SPG11: variants seen among roughly 807,000 people sequenced by gnomAD.
The protein encoded by SPG11 is SPG11 vesicle trafficking associated, spatacsin, also known as spatacsin.
SPG11 carries 222 observed loss-of-function variants against 274.0 expected under a neutral mutation model. The ratio of observed to expected loss-of-function variants is 0.81; its 90% CI spans 0.73 to 0.91. The LOEUF is 0.91. SPG11 is among the 40% of genes least tolerant of loss of function. SPG11 has a pLI of 0.00. For missense variants in SPG11, 3,114 were observed against 2,872.7 expected (o/e 1.08, Z -1.92); for synonymous variants, 1,144 against 1,039.7 (o/e 1.10, Z -1.93).
At chr15:44,564,882 T>C (rs1349081922) in intron 38 of SPG11, among the ~76,000 whole-genome samples, 184 bp from the exon 39 acceptor site, 2 of 152,126 alleles carry the variant, frequency 1.3e-5, no homozygotes, top group African/African-American at 2.4e-5. Flanking sequence ...GCATTTTCCC[T>C]CTCATAAATC....
At chr15:44,636,925 C>CA (rs370928375) in intron 7 of SPG11, among the ~76,000 whole-genome samples, 619 of 19,408 alleles carry the variant, frequency 0.032, 134 homozygotes, top group African/African-American at 0.048. Flanking sequence ...GACTCCATCT[C>CA]AAAAAAAAAA....
At chr15:44,587,707 A>AC (rs1205846974) in intron 28 of SPG11, among the ~76,000 whole-genome samples, 2 of 150,668 alleles carry the variant, frequency 1.3e-5, no homozygotes, top group Admixed American at 6.6e-5. Flanking sequence ...AAAAAAAAAA[A>AC]AAAAAAAAAA....
chr15:44,628,957 C>A, intron 9 of SPG11, 113 bp from the exon 10 acceptor site: 1 of 1,094,886 alleles, frequency 9.1e-7, no homozygotes, highest in Non-Finnish European at 1.4e-6. Context: ...TTTTAAATTT[C>A]AAACAATATG....
At chr15:44,568,364 T>C (rs2140918681) in intron 35 of SPG11, among the ~76,000 whole-genome samples, 1 of 152,340 alleles carries the variant, frequency 6.6e-6, no homozygotes, top group East Asian at 1.9e-4. Context: ...GCTCCTCACT[T>C]GATGACTAGA....
chr15:44,663,466 C>T lies in SPG11; in HGVS notation c.182G>A (p.Gly61Asp). 1.3e-6 allele frequency: 2 copies of T among 1,595,576 alleles called. No homozygotes were observed. The highest frequency in any genetic ancestry group is 1.7e-6 in the Non-Finnish European group (2 of 1,171,882). ...PEALGSLTAA[G>D]SLQVLSLTPG... ...CGTCAAAGAAAGCACTTGGAGGCTGCCCGCAGCCGTCAGGCTCCCCAGAGC... is the reference window on the plus strand; with the variant it reads ...CGTCAAAGAAAGCACTTGGAGGCTGTCCGCAGCCGTCAGGCTCCCCAGAGC... The change falls in exon 1 of 40, where the codon GGC becomes GAC. Residue 61 changes from glycine to aspartate, a missense_variant. Gly to Asp is a moderately conservative substitution (Grantham distance 94, BLOSUM62 -1). Coordinates refer to ENST00000261866, the MANE Select transcript of SPG11 (RefSeq NM_025137.4).
At chr15:44,598,405 A>G in intron 22 of SPG11, 32 bp from the exon 23 acceptor site, 1 of 1,587,332 alleles carries the variant, frequency 6.3e-7, no homozygotes, top group Non-Finnish European at 8.7e-7. Flanking sequence ...AAATATGGTG[A>G]AGAGAAAAAG....
chr15:44,599,003 C>T (rs1270407538), intron 21 of SPG11, among the ~76,000 whole-genome samples, 167 bp from the exon 22 acceptor site: 1 of 152,192 alleles, frequency 6.6e-6, no homozygotes, highest in African/African-American at 2.4e-5. Flanking sequence ...TTCCTGGTAG[C>T]TTTTCAGTTG....
At chr15:44,650,313 G>GT (rs1038454793) in intron 6 of SPG11, among the ~76,000 whole-genome samples, 38 of 152,256 alleles carry the variant, frequency 2.5e-4, no homozygotes, top group African/African-American at 8.9e-4. Context: ...GAGCTCAGGA[G>GT]TTTGAGACCA....
chr15:44,588,340 T>C (rs1373881355), intron 28 of SPG11, among the ~76,000 whole-genome samples: 3 of 151,606 alleles, frequency 2.0e-5, no homozygotes, highest in Admixed American at 2.0e-4. Context: ...TCTCTGAAAC[T>C]TTAAAAATGA....
At chr15:44,646,161 C>T (rs2084602826) in intron 7 of SPG11, among the ~76,000 whole-genome samples, 1 of 152,112 alleles carries the variant, frequency 6.6e-6, no homozygotes, top group Non-Finnish European at 1.5e-5. Context: ...AATCATTCTA[C>T]CATAAACATA....
At chr15:44,575,125 T>G in intron 30 of SPG11, 84 bp from the exon 31 acceptor site, 2 of 1,546,130 alleles carry the variant, frequency 1.3e-6, no homozygotes, top group East Asian at 2.3e-5. Context: ...CCTCTCTGCT[T>G]GAAGCTCCCT....
rs764858234 is a variant in SPG11, at chr15:44,660,515, A to G, written c.359T>C (p.Leu120Ser). Residue 120 changes from leucine (L) to serine (S), a missense_variant, in exon 2 of 40, where the codon TTG becomes TCG. Transcript: ENST00000261866. ...NYELLIYEFN[L>S]KDGRCDATIL... is the part of the protein sequence containing the mutation. ...GGTTGCATCACATCTTCCATCTTTCAAATTAAATTCATAGATAAGCAGTTC... is the reference window on the plus strand; with the variant it reads ...GGTTGCATCACATCTTCCATCTTTCGAATTAAATTCATAGATAAGCAGTTC... 12 of 1,614,182 alleles carry G rather than the reference A, an allele frequency of 7.4e-6. No individual in the cohort carries two copies. The highest frequency in any genetic ancestry group is 1.0e-5 in the Non-Finnish European group (12 of 1,180,018).
intron 27 of SPG11, among the ~76,000 whole-genome samples, chr15:44,591,097 T>C (rs1046180748): frequency 6.6e-6 from 1 of 152,242 alleles, no homozygotes; most frequent in African/African-American, 2.4e-5. Flanking sequence ...TCCCTGTCCA[T>C]TTCTCATCCT....
intron 37 of SPG11, 42 bp downstream of exon 37, chr15:44,566,175 C>G (rs748948144): frequency 8.1e-6 from 13 of 1,608,572 alleles, no homozygotes; most frequent in Admixed American, 1.7e-5. Flanking sequence ...TTACTGCAGA[C>G]AGCAAGTCCC....
chr15:44,647,543 C>T (rs1364599406), intron 7 of SPG11, among the ~76,000 whole-genome samples: 1 of 152,022 alleles, frequency 6.6e-6, no homozygotes, highest in African/African-American at 2.4e-5. Context: ...AATGGATAAA[C>T]AAAATGCAGT....
At chr15:44,608,236 T>C (rs2083371772) in intron 19 of SPG11, among the ~76,000 whole-genome samples, 1 of 152,232 alleles carries the variant, frequency 6.6e-6, no homozygotes. Flanking sequence ...CTTTTTTGCA[T>C]TGTTCTTGCA....
intron 20 of SPG11, among the ~76,000 whole-genome samples, chr15:44,604,466 G>C (rs945293204): frequency 3.9e-5 from 6 of 152,134 alleles, no homozygotes; most frequent in Non-Finnish European, 8.8e-5. Context: ...GCACGTTGGG[G>C]CTTAGTGTGG....
Position 44,572,675 on chromosome 15 carries a change from T to C in SPG11, c.6343+8A>G. On this transcript the variant is annotated splice_region_variant and intron_variant, in intron 33 of 39. Transcript: ENST00000261866. ...CCAAAATATGTAAGAAAAAGGTCAATAACTTACTGCAAGACAGTTCCCCAT... is the reference window on the plus strand; with the variant it reads ...CCAAAATATGTAAGAAAAAGGTCAACAACTTACTGCAAGACAGTTCCCCAT... 6.2e-7 allele frequency: 1 copy of C among 1,614,080 alleles called. No homozygotes were observed. Among genetic ancestry groups the C allele is most frequent in the East Asian group, 2.2e-5 (1 of 44,880 alleles).
rs1370168650 is a variant in SPG11, at chr15:44,652,195, T to C, written c.941A>G (p.Asp314Gly). Residue 314 changes from aspartate (D) to glycine (G), a missense_variant, in exon 5 of 40, where the codon GAT (aspartate) becomes GGT (glycine). Coordinates refer to ENST00000261866, the MANE Select transcript of SPG11 (RefSeq NM_025137.4). ...DLPIQGPKGVDEDDPVNSAYN... is the reference protein window; with the variant it reads ...DLPIQGPKGVGEDDPVNSAYN... ...GGCAGAGTTAACAGGATCATCTTCA[T>C]CTACGCCCTTAGGTCCTTGAATAGG... The C allele has an allele frequency of 2.5e-6, 4 of 1,614,164 alleles. No individual in the cohort carries two copies. Among genetic ancestry groups the C allele is most frequent in the Non-Finnish European group, 3.4e-6 (4 of 1,180,000 alleles).
Sources: gnomAD v4.1 joint callset for allele counts (sites outside exome capture counted in the v4.1 genomes callset) on GRCh38, gnomAD v4.1.1 for gene constraint, MANE v1.5 for transcripts, NCBI Gene and HGNC (gene_info 2026-07-23, HGNC 2026-07-21) for gene names.